CEACAM5: variants seen among roughly 807,000 people sequenced by gnomAD.
CEACAM5 encodes cell adhesion molecule CEACAM5.
In CEACAM5, 52 loss-of-function variants were observed where a neutral mutation model predicts 63.0. That is an observed-to-expected ratio of 0.83 (90% CI 0.66 to 1.04). The LOEUF is 1.04. Among genes scored for constraint, CEACAM5 ranks in the 50% least tolerant of loss-of-function variants. The pLI is 0.00. For missense variants in CEACAM5, 790 were observed against 864.8 expected, an observed-to-expected ratio of 0.91 and a Z score of 1.08; for synonymous variants, 357 against 351.3, an observed-to-expected ratio of 1.02 and a Z score of -0.18.
In CEACAM5 at chr19:41,720,170, G is replaced by A; in HGVS notation, c.1733G>A (p.Ser578Asn). 1 of 1,614,256 alleles carries A rather than the reference G, an allele frequency of 6.2e-7. No homozygotes were observed. The highest frequency in any genetic ancestry group is 8.5e-7 in the Non-Finnish European group (1 of 1,180,042). The change falls in exon 7 of 10, where the codon AGT becomes AAT. Residue 578 changes from serine (S) to asparagine (N), a missense_variant. Transcript: ENST00000221992. ...AYVCGIQNSV[S>N]ANRSDPVTLD... is the part of the protein sequence containing the mutation. The stretch of plus-strand genomic sequence containing the variant: ...GTATGTGGAATCCAGAACTCAGTGA[G>A]TGCAAACCGCAGTGACCCAGTCACC...
chr19:41,725,970 A>G (rs1178128182), intron 8 of CEACAM5, among the ~76,000 whole-genome samples: 5 of 152,184 alleles, frequency 3.3e-5, no homozygotes, highest in Admixed American at 1.3e-4. Flanking sequence ...CTCACACAAG[A>G]TTCTTAACTT....
chr19:41,709,765 G>A lies in CEACAM5; in HGVS notation c.150G>A (p.Glu50=), dbSNP rs1555813664. The part of the protein sequence containing the change: ...STPFNVAEGK[E]VLLLVHNLPQ... ...CGTTCAATGTCGCAGAGGGGAAGGAGGTGCTTCTACTTGTCCACAATCTGC... is the reference window on the plus strand; with the variant it reads ...CGTTCAATGTCGCAGAGGGGAAGGAAGTGCTTCTACTTGTCCACAATCTGC... Residue 50 remains glutamate, a synonymous_variant, in exon 2 of 10, where the codon GAG becomes GAA. Coordinates refer to ENST00000221992, the MANE Select transcript of CEACAM5 (RefSeq NM_004363.6). The A allele has an allele frequency of 6.2e-7, 1 of 1,614,144 alleles. No individual in the cohort carries two copies. The highest frequency in any genetic ancestry group is 8.5e-7 in the Non-Finnish European group (1 of 1,180,026).
At chr19:41,714,421 C>T (rs543966181) in intron 2 of CEACAM5, among the ~76,000 whole-genome samples, 2 of 152,328 alleles carry the variant, frequency 1.3e-5, no homozygotes, top group African/African-American at 4.8e-5. Flanking sequence ...GACCTCCAGG[C>T]TTGCCTCTGG....
rs1555815387 is a variant in CEACAM5, at chr19:41,718,156, C to G, written c.1266C>G (p.Pro422=). 3.1e-6 allele frequency: 5 copies of G among 1,614,206 alleles called. No individual in the cohort carries two copies. The South Asian group carries it at 5.5e-5, about 18-fold the overall frequency. ...GCCCAGACGACCCCACCATTTCCCC[C>G]TCATACACCTATTACCGTCCAGGGG... The part of the protein sequence containing the change: ...LYGPDDPTIS[P]SYTYYRPGVN... The change falls in exon 6 of 10, where the codon CCC becomes CCG. Residue 422 remains proline (P), a synonymous_variant. Coordinates refer to ENST00000221992, the MANE Select transcript of CEACAM5 (RefSeq NM_004363.6).
At chr19:41,717,328 C>A in intron 4 of CEACAM5, 127 bp from the exon 5 acceptor site, 1 of 1,006,958 alleles carries the variant, frequency 9.9e-7, no homozygotes, top group Non-Finnish European at 1.5e-6. Flanking sequence ...GACGCACACA[C>A]ACCTGCCATG....
intron 9 of CEACAM5, among the ~76,000 whole-genome samples, chr19:41,727,814 A>G (rs1049913445): frequency 2.6e-5 from 4 of 152,152 alleles, no homozygotes; most frequent in Non-Finnish European, 5.9e-5. Flanking sequence ...AGATAAGTTC[A>G]CATTTCTTCT....
Position 41,710,039 on chromosome 19 carries a change from C to A in CEACAM5, c.424C>A (p.Pro142Thr). The change falls in exon 2 of 10, where the codon CCG becomes ACG. Residue 142 changes from proline to threonine, a missense_variant and splice_region_variant. Pro to Thr is a conservative substitution (Grantham distance 38). Transcript: ENST00000221992. ...AGCAACTGGCCAGTTCCGGGTATAC[C>A]GTGAGTGATTCCCCCATGACCTCTG... ...EEATGQFRVY[P>T]ELPKPSISSN... is the part of the protein sequence containing the mutation. 6.3e-7 allele frequency: 1 copy of A among 1,593,492 alleles called. No individual in the cohort carries two copies. The highest frequency in any genetic ancestry group is 8.5e-7 in the Non-Finnish European group (1 of 1,169,694).
rs782198510 is a variant in CEACAM5, at chr19:41,715,163, C to A, written c.617C>A (p.Thr206Lys). Residue 206 changes from threonine (T) to lysine (K), a missense_variant, in exon 3 of 10, where the codon ACA (threonine) becomes AAA (lysine). Coordinates refer to ENST00000221992, the MANE Select transcript of CEACAM5 (RefSeq NM_004363.6). The stretch of plus-strand genomic sequence containing the variant: ...AGGACCCTCACTCTATTCAATGTCA[C>A]AAGAAATGACACAGCAAGCTACAAA... ...GNRTLTLFNV[T>K]RNDTASYKCE... 3 of 1,614,208 alleles carry A rather than the reference C, an allele frequency of 1.9e-6. No homozygotes were observed. The highest frequency in any genetic ancestry group is 2.5e-6 in the Non-Finnish European group (3 of 1,180,040).
intron 6 of CEACAM5, among the ~76,000 whole-genome samples, chr19:41,718,586 C>T (rs142964312): frequency 7.2e-5 from 11 of 152,282 alleles, no homozygotes; most frequent in African/African-American, 2.6e-4. Context: ...ACCTTGTGTC[C>T]ACCCTGAGAA....
intron 8 of CEACAM5, among the ~76,000 whole-genome samples, chr19:41,724,340 A>T (rs1310029910): frequency 3.3e-5 from 5 of 152,204 alleles, no homozygotes; most frequent in Non-Finnish European, 7.3e-5. Flanking sequence ...ATCTTCCTTT[A>T]TGCCAATACC....
intron 2 of CEACAM5, among the ~76,000 whole-genome samples, chr19:41,714,376 C>T (rs959461525): frequency 6.6e-6 from 1 of 152,138 alleles, no homozygotes; most frequent in African/African-American, 2.4e-5. Context: ...GAAAAACTGC[C>T]CCACCTTGTG....
chr19:41,717,584 T>C lies in CEACAM5; in HGVS notation c.1088T>C (p.Leu363Pro). Residue 363 changes from leucine to proline, a missense_variant, in exon 5 of 10, where the codon CTC becomes CCC. By Grantham distance (98) the Leu-to-Pro change is moderately conservative. Transcript: ENST00000221992. Reference protein sequence around the residue: ...TYLWWVNNQSLPVSPRLQLSN... With the variant: ...TYLWWVNNQSPPVSPRLQLSN... ...CTGTGGTGGGTAAATAATCAGAGCC[T>C]CCCGGTCAGTCCCAGGCTGCAGCTG... 1.9e-6 allele frequency: 3 copies of C among 1,614,170 alleles called. No homozygotes were observed. Among genetic ancestry groups the C allele is most frequent in the Non-Finnish European group, 2.5e-6 (3 of 1,180,026 alleles).
At chr19:41,711,265 C>G (rs1243443957) in intron 2 of CEACAM5, among the ~76,000 whole-genome samples, 2 of 152,174 alleles carry the variant, frequency 1.3e-5, no homozygotes, top group African/African-American at 4.8e-5. Context: ...GATCCACAGC[C>G]CCCTCACATG....
intron 3 of CEACAM5, 123 bp downstream of exon 3, chr19:41,715,372 T>TC (rs2072506587): frequency 7.0e-7 from 1 of 1,424,300 alleles, no homozygotes; most frequent in African/African-American, 1.4e-5. Flanking sequence ...ATCCAGACTG[T>TC]CTGTGACTTT....
intron 4 of CEACAM5, among the ~76,000 whole-genome samples, 162 bp downstream of exon 4, chr19:41,716,066 C>A (rs932167039): frequency 2.0e-4 from 31 of 152,172 alleles, no homozygotes; most frequent in African/African-American, 7.2e-4. Flanking sequence ...TCTACAGACT[C>A]TTTTCTTCTT....
chr19:41,720,111 A>G lies in CEACAM5; in HGVS notation c.1674A>G (p.Leu558=). 1 of 1,614,238 alleles carries G rather than the reference A, an allele frequency of 6.2e-7. No individual in the cohort carries two copies. The highest frequency in any genetic ancestry group is 1.1e-5 in the South Asian group (1 of 91,080). ...CCAATGGCAACAGGACCCTCACTCT[A>G]TTCAATGTCACAAGAAATGACGCAA... ...QLSNGNRTLT[L]FNVTRNDARA... is the part of the protein sequence containing the mutation. The change falls in exon 7 of 10, where the codon CTA becomes CTG. Residue 558 remains leucine, a synonymous_variant. Coordinates refer to ENST00000221992, the MANE Select transcript of CEACAM5 (RefSeq NM_004363.6).
Position 41,727,311 on chromosome 19 carries a change from A to G in CEACAM5, c.2104A>G (p.Ile702Val). ...TGGAGTGCTGGTTGGGGTTGCTCTGATATAGCAGCCCTGGTGTAGTTTCTT... is the reference window on the plus strand; with the variant it reads ...TGGAGTGCTGGTTGGGGTTGCTCTGGTATAGCAGCCCTGGTGTAGTTTCTT... ...MIGVLVGVAL[I>V] is the part of the protein sequence containing the mutation. Residue 702 changes from isoleucine (I) to valine (V), a missense_variant, in exon 9 of 10, where the codon ATA becomes GTA. Ile to Val is a conservative substitution (Grantham distance 29, BLOSUM62 3). Coordinates refer to ENST00000221992, the MANE Select transcript of CEACAM5 (RefSeq NM_004363.6). 1.2e-6 allele frequency: 2 copies of G among 1,610,444 alleles called. No homozygotes were observed. The highest frequency in any genetic ancestry group is 8.5e-7 in the Non-Finnish European group (1 of 1,176,688).
Position 41,721,068 on chromosome 19 carries a change from C to G in CEACAM5, c.1918C>G (p.Leu640Val). The change falls in exon 8 of 10, where the codon CTC (leucine) becomes GTC (valine). Residue 640 changes from leucine to valine, a missense_variant. Physicochemically the swap from Leu to Val is conservative, Grantham distance 32. Coordinates refer to ENST00000221992, the MANE Select transcript of CEACAM5 (RefSeq NM_004363.6). ...GATACCGCAGCAACACACACAAGTT[C>G]TCTTTATCGCCAAAATCACGCCAAA... ...NGIPQQHTQVLFIAKITPNNN... is the reference protein window; with the variant it reads ...NGIPQQHTQVVFIAKITPNNN... 1 of 1,614,220 alleles carries G rather than the reference C, an allele frequency of 6.2e-7. No individual in the cohort carries two copies.
At chr19:41,724,309 T>G (rs1211651538) in intron 8 of CEACAM5, among the ~76,000 whole-genome samples, 1 of 152,248 alleles carries the variant, frequency 6.6e-6, no homozygotes, top group Non-Finnish European at 1.5e-5. Flanking sequence ...GGGCTCTATA[T>G]TCTATTGCTT....
Sources: allele counts gnomAD v4.1 joint callset (sites outside exome capture counted in the v4.1 genomes callset), GRCh38; gene constraint gnomAD v4.1.1; transcripts MANE v1.5; gene names NCBI Gene and HGNC (gene_info 2026-07-23, HGNC 2026-07-21).